Variants in SERPINA1 observed in about 807,000 individuals in gnomAD.
The protein encoded by SERPINA1 is alpha-1-antitrypsin.
Under a neutral mutation model 25.4 loss-of-function variants are expected in SERPINA1, and 21 were observed. The ratio of observed to expected loss-of-function variants is 0.83; its 90% CI spans 0.59 to 1.19. The LOEUF is 1.19. Among genes scored for constraint, SERPINA1 ranks in the 50% most tolerant of loss-of-function variants. SERPINA1 has a pLI of 0.00. For missense variants in SERPINA1, 546 were observed against 509.0 expected (o/e 1.07, Z -0.70); for synonymous variants, 218 against 211.1 (o/e 1.03, Z -0.29).
At position 94,377,709 on chromosome 14, in the gene SERPINA1, G is replaced by C. The variant is rs1896460783; in HGVS notation, c.*740C>G. 6.6e-6 allele frequency: 1 copy of C among 152,422 alleles called. No homozygotes were observed. The highest frequency in any genetic ancestry group is 6.5e-5 in the Admixed American group (1 of 15,300). 9.4% of individuals were successfully genotyped at this position (152,422 alleles called of 1,614,324 possible). A position where few individuals can be genotyped will look rare whatever the true frequency, so the allele number is the denominator to read the frequency against. ...ACCCTCCTCTTCATCTGGGGAGAAG[G>C]GACCTGATTCTAAACGGAGATATGT... On this transcript the variant is annotated 3_prime_UTR_variant, in exon 5 of 5. Coordinates refer to ENST00000393087, the MANE Select transcript of SERPINA1 (RefSeq NM_000295.5).
chr14:94,381,638 C>T (rs1054965901), intron 2 of SERPINA1, among the ~76,000 whole-genome samples: 1 of 152,236 alleles, frequency 6.6e-6, no homozygotes, highest in African/African-American at 2.4e-5. Flanking sequence ...GCAGCCTCCC[C>T]TCTGCCATAC....
Position 94,382,893 on chromosome 14 carries a change from C to T in SERPINA1, c.345G>A (p.Gln115=). ...GGAGTTCCTGGAAGCCTTCATGGAT[C>T]TGAGCCTCCGGAATCTCCGTGAGGT... The part of the protein sequence containing the change: ...NFNLTEIPEA[Q]IHEGFQELLR... Residue 115 remains glutamine, a synonymous_variant, in exon 2 of 5, where the codon CAG becomes CAA. Coordinates refer to ENST00000393087, the MANE Select transcript of SERPINA1 (RefSeq NM_000295.5). The T allele has an allele frequency of 1.9e-6, 3 of 1,613,780 alleles. No homozygotes were observed. In the South Asian group the frequency reaches 3.3e-5, roughly 18 times the overall value.
chr14:94,378,509 A>G lies in SERPINA1; in HGVS notation c.1197T>C (p.Ile399=). 1 of 1,614,062 alleles carries G rather than the reference A, an allele frequency of 6.2e-7. No individual in the cohort carries two copies. The highest frequency in any genetic ancestry group is 1.7e-5 in the Admixed American group (1 of 60,008). ...AGAGGGGAGACTTGGTATTTTGTTC[A>G]ATCATTAAGAAGACAAAGGGTTTGT... ...KFNKPFVFLM[I]EQNTKSPLFM... Residue 399 remains isoleucine (I), a synonymous_variant, in exon 5 of 5, where the codon ATT becomes ATC. Coordinates refer to ENST00000393087, the MANE Select transcript of SERPINA1 (RefSeq NM_000295.5).
At position 94,383,103 on chromosome 14, in the gene SERPINA1, T is replaced by C. The variant is rs1314550300; in HGVS notation, c.135A>G (p.Pro45=). Residue 45 remains proline, a synonymous_variant, in exon 2 of 5, where the codon CCA becomes CCG. Transcript: ENST00000393087. The part of the protein sequence containing the change: ...TDTSHHDQDH[P]TFNKITPNLA... Reference sequence around the variant, plus strand: ...GGTTGGGGGTGATCTTGTTGAAGGTTGGGTGATCCTGATCATGGTGGGATG... The same window carrying C: ...GGTTGGGGGTGATCTTGTTGAAGGTCGGGTGATCCTGATCATGGTGGGATG... 3 of 1,614,192 alleles carry C rather than the reference T, an allele frequency of 1.9e-6. No homozygotes were observed. The South Asian group carries it at 3.3e-5, about 18-fold the overall frequency.
intron 4 of SERPINA1, 57 bp downstream of exon 4, chr14:94,379,407 C>G: frequency 6.2e-7 from 1 of 1,607,416 alleles, no homozygotes; most frequent in Non-Finnish European, 8.5e-7. Context: ...GCTGCAGCCC[C>G]CACACATTCT....
At chr14:94,380,462 C>T (rs1233266912) in intron 3 of SERPINA1, among the ~76,000 whole-genome samples, 1 of 152,216 alleles carries the variant, frequency 6.6e-6, no homozygotes, top group African/African-American at 2.4e-5. Flanking sequence ...GGCTCTTCCC[C>T]CGTCCCCCCA....
chr14:94,379,978 C>A (rs528459596), intron 3 of SERPINA1, among the ~76,000 whole-genome samples: 1 of 152,338 alleles, frequency 6.6e-6, no homozygotes, highest in East Asian at 1.9e-4. Context: ...CAGTGACAAC[C>A]GTTTAGTGGA....
chr14:94,384,222 G>T (rs1897150069), intron 1 of SERPINA1: 1 of 152,122 alleles, frequency 6.6e-6, no homozygotes, highest in African/African-American at 2.4e-5. Context: ...TCACTTTCCA[G>T]GTGTATGAGC....
Position 94,383,039 on chromosome 14 carries a change from G to A in SERPINA1, c.199C>T (p.His67Tyr). Residue 67 changes from histidine to tyrosine, a missense_variant, in exon 2 of 5, where the codon CAC (histidine) becomes TAC (tyrosine). His to Tyr is a moderately conservative substitution (Grantham distance 83). Coordinates refer to ENST00000393087, the MANE Select transcript of SERPINA1 (RefSeq NM_000295.5). ...FAFSLYRQLAHQSNSTNIFFS... is the reference protein window; with the variant it reads ...FAFSLYRQLAYQSNSTNIFFS... ...AAGATATTGGTGCTGTTGGACTGGT[G>A]TGCCAGCTGGCGGTATAGGCTGAAG... The A allele has an allele frequency of 1.2e-6, 2 of 1,613,088 alleles. No homozygotes were observed. The highest frequency in any genetic ancestry group is 1.1e-5 in the South Asian group (1 of 91,078).
At chr14:94,380,502 C>T (rs1896818392) in intron 3 of SERPINA1, 3 of 336,548 alleles carry the variant, frequency 8.9e-6, no homozygotes, top group Non-Finnish European at 1.7e-5. Flanking sequence ...CTCCACACTC[C>T]ACTGCTGCCT....
At chr14:94,380,664 G>A in intron 3 of SERPINA1, 3 of 649,848 alleles carry the variant, frequency 4.6e-6, no homozygotes, top group Non-Finnish European at 8.2e-6. Flanking sequence ...CTCACCCCTG[G>A]GTACTGTCCT....
At position 94,382,635 on chromosome 14, in the gene SERPINA1, G is replaced by T; in HGVS notation, c.603C>A (p.Asp201Glu). The change falls in exon 2 of 5, where the codon GAC (aspartate) becomes GAA (glutamate). Residue 201 changes from aspartate to glutamate, a missense_variant. Coordinates refer to ENST00000393087, the MANE Select transcript of SERPINA1 (RefSeq NM_000295.5). Reference protein sequence around the residue: ...GKIVDLVKELDRDTVFALVNY... With the variant: ...GKIVDLVKELERDTVFALVNY... Reference sequence around the variant, plus strand: ...TCACCAGAGCAAAAACTGTGTCTCTGTCAAGCTCCTTGACCAAATCCACAA... The same window carrying T: ...TCACCAGAGCAAAAACTGTGTCTCTTTCAAGCTCCTTGACCAAATCCACAA... 6.2e-7 allele frequency: 1 copy of T among 1,614,256 alleles called. No individual in the cohort carries two copies. The highest frequency in any genetic ancestry group is 8.5e-7 in the Non-Finnish European group (1 of 1,180,054).
chr14:94,388,469 A>AC (rs1344807366), intron 1 of SERPINA1, 91 bp downstream of exon 1: 6 of 151,548 alleles, frequency 4.0e-5, no homozygotes, highest in Admixed American at 4.0e-4. Context: ...CCACTCCACA[A>AC]CCCCCCTCCT....
At chr14:94,383,560 A>G (rs1439552879) in intron 1 of SERPINA1, 4 of 427,118 alleles carry the variant, frequency 9.4e-6, no homozygotes, top group African/African-American at 7.9e-5. Flanking sequence ...CAGCTATTCA[A>G]TGTCACTGAG....
intron 1 of SERPINA1, among the ~76,000 whole-genome samples, chr14:94,388,292 C>T (rs968693626): frequency 2.0e-5 from 3 of 152,152 alleles, no homozygotes; most frequent in Non-Finnish European, 4.4e-5. Context: ...GACCTAGACA[C>T]CCTCATCCAC....
intron 1 of SERPINA1, chr14:94,383,925 A>G (rs1245097169): frequency 6.6e-6 from 1 of 152,258 alleles, no homozygotes; most frequent in African/African-American, 2.4e-5. Flanking sequence ...CCCAACACTC[A>G]CAAGGATCCT....
chr14:94,381,196 G>C, intron 2 of SERPINA1, 55 bp from the exon 3 acceptor site: 1 of 1,572,888 alleles, frequency 6.4e-7, no homozygotes, highest in African/African-American at 1.4e-5. Context: ...TTGGAAGAGT[G>C]TAGCAGAATA....
At chr14:94,379,718 T>C in intron 3 of SERPINA1, 107 bp from the exon 4 acceptor site, 1 of 1,451,090 alleles carries the variant, frequency 6.9e-7, no homozygotes, top group Non-Finnish European at 9.5e-7. Flanking sequence ...TGCCACTTAC[T>C]CCTGTGTCCT....
chr14:94,382,574 C>G lies in SERPINA1; in HGVS notation c.646+18G>C. ...CTTGTTTCTATGGGAACAGCTCAGGCTGGTTGAGCAACCTTACCTTTAAAG... is the reference window on the plus strand; with the variant it reads ...CTTGTTTCTATGGGAACAGCTCAGGGTGGTTGAGCAACCTTACCTTTAAAG... On this transcript the variant is annotated intron_variant, in intron 2 of 4. Transcript: ENST00000393087. 1 of 1,614,212 alleles carries G rather than the reference C, an allele frequency of 6.2e-7. No individual in the cohort carries two copies.
Sources: allele counts gnomAD v4.1 joint callset (sites outside exome capture counted in the v4.1 genomes callset), GRCh38; gene constraint gnomAD v4.1.1; transcripts MANE v1.5; gene names NCBI Gene and HGNC (gene_info 2026-07-23, HGNC 2026-07-21).